The following ACTN4 variants were observed in gnomAD, a reference collection of about 807,000 sequenced individuals.
ACTN4 encodes alpha-actinin-4.
A neutral mutation model predicts 114.2 loss-of-function variants in ACTN4; 18 were observed. The observed-to-expected ratio is 0.16, with a 90% confidence interval of 0.11 to 0.23. The LOEUF (loss-of-function observed/expected upper bound fraction) is 0.23, where lower values mean the gene tolerates loss of function less well. ACTN4 is among the 10% of genes least tolerant of loss of function. ACTN4 has a pLI of 1.00. For missense variants in ACTN4, 722 were observed against 1,262.9 expected (o/e 0.57, Z 6.49); for synonymous variants, 515 against 506.3 (o/e 1.02, Z -0.23).
At position 38,668,826 on chromosome 19, in the gene ACTN4, T is replaced by C. The variant is rs1967044882; in HGVS notation, c.162+20919T>C. On this transcript the variant is annotated intron_variant, in intron 1 of 20. Coordinates refer to ENST00000252699, the MANE Select transcript of ACTN4 (RefSeq NM_004924.6). ...CTGAAGTAAACCCATTGACTTCGCC[T>C]TCATGGGTTTGAAAAGGGTTTTTCC... Among the ~76,000 whole-genome samples, 7 of 152,342 alleles carry C rather than the reference T, an allele frequency of 4.6e-5. No homozygotes were observed. The South Asian group carries it at 1.5e-3, about 32-fold the overall frequency.
intron 1 of ACTN4, among the ~76,000 whole-genome samples, chr19:38,692,305 G>T (rs1236037723): frequency 1.3e-5 from 2 of 152,250 alleles, no homozygotes; most frequent in East Asian, 1.9e-4. Flanking sequence ...CTGAACTGCC[G>T]CAGTGCTAGC....
intron 5 of ACTN4, 149 bp from the exon 6 acceptor site, chr19:38,707,968 C>T (rs1968515637): frequency 2.5e-6 from 2 of 815,418 alleles, no homozygotes; most frequent in Non-Finnish European, 4.2e-6. Context: ...ATGCTTGCAG[C>T]CTCTCTGCCA....
chr19:38,661,798 G>GC (rs1363511200), intron 1 of ACTN4, among the ~76,000 whole-genome samples: 1 of 152,088 alleles, frequency 6.6e-6, no homozygotes, highest in Non-Finnish European at 1.5e-5. Flanking sequence ...GACTACAGGC[G>GC]CCCGCCACCA....
chr19:38,661,351 C>T (rs1976880725), intron 1 of ACTN4, among the ~76,000 whole-genome samples: 2 of 152,194 alleles, frequency 1.3e-5, no homozygotes, highest in South Asian at 2.1e-4. Context: ...GTGATGATTT[C>T]GGCAGTCGGC....
chr19:38,731,118 G>T lies in ACTN4; in HGVS notation c.*1686G>T. ...GGGGTGGTACTCACAGAAGATGCAG[G>T]TGAGGTGGGCCACACAGGACACGAA... On this transcript the variant is annotated 3_prime_UTR_variant, in exon 21 of 21. Transcript: ENST00000252699. 1 of 1,612,068 alleles carries T rather than the reference G, an allele frequency of 6.2e-7. No homozygotes were observed.
intron 1 of ACTN4, among the ~76,000 whole-genome samples, chr19:38,696,400 G>C (rs769246463): frequency 6.6e-5 from 10 of 152,102 alleles, no homozygotes; most frequent in Non-Finnish European, 1.3e-4. Flanking sequence ...AGGGCGGCGT[G>C]GTGGGCGCAT....
At chr19:38,712,174 G>T (rs1968678011) in intron 8 of ACTN4, among the ~76,000 whole-genome samples, 1 of 152,182 alleles carries the variant, frequency 6.6e-6, no homozygotes, top group Non-Finnish European at 1.5e-5. Flanking sequence ...CCCCAGGAGG[G>T]CTAGGCGCAG....
At position 38,673,474 on chromosome 19, in the gene ACTN4, T is replaced by TGAATATATA. The variant is rs1491529819; in HGVS notation, c.162+25567_162+25568insGAATATATA. Among the ~76,000 whole-genome samples the TGAATATATA allele has an allele frequency of 2.2e-3, 163 of 75,358 alleles. 2 individuals carry two copies. Among genetic ancestry groups the TGAATATATA allele is most frequent in the Non-Finnish European group, 3.6e-3 (124 of 34,616 alleles). 49.4% of individuals were successfully genotyped at this position (75,358 alleles called of 152,430 possible). On this transcript the variant is annotated intron_variant, in intron 1 of 20. Transcript: ENST00000252699. ...ATATATTCATATATATTTATATATATTTATATATATATTCATATATATTTA... is the reference window on the plus strand; with the variant it reads ...ATATATTCATATATATTTATATATATGAATATATATTATATATATATTCATATATATTTA...
chr19:38,701,099 G>A lies in ACTN4; in HGVS notation c.375G>A (p.Lys125=), dbSNP rs1481975807. 3.4e-5 allele frequency: 55 copies of A among 1,613,980 alleles called. No individual in the cohort carries two copies. The highest frequency in any genetic ancestry group is 4.7e-5 in the Non-Finnish European group (55 of 1,180,050). Residue 125 remains lysine, a synonymous_variant, in exon 3 of 21, where the codon AAG becomes AAA. Transcript: ENST00000252699. ...ALDFIASKGV[K]LVSIGAEEIV... Reference sequence around the variant, plus strand: ...ACTTTATTGCCAGCAAAGGCGTCAAGCTGGTCTCCATCGGGGCAGAAGGTG... The same window carrying A: ...ACTTTATTGCCAGCAAAGGCGTCAAACTGGTCTCCATCGGGGCAGAAGGTG...
intron 1 of ACTN4, among the ~76,000 whole-genome samples, chr19:38,654,314 C>G (rs904659443): frequency 2.0e-5 from 3 of 152,152 alleles, no homozygotes; most frequent in African/African-American, 7.2e-5. Flanking sequence ...GTAATCCCAG[C>G]ACTTTGGGAG....
rs148591083 is a variant in ACTN4 at position 38,704,950 on chromosome 19, C to T, written c.414C>T (p.Asn138=). Reference sequence around the variant, plus strand: ...TGTGTGCAGAGATTGTGGACGGCAACGCAAAGATGACCCTGGGAATGATCT... The same window carrying T: ...TGTGTGCAGAGATTGTGGACGGCAATGCAAAGATGACCCTGGGAATGATCT... ...SIGAEEIVDG[N]AKMTLGMIWT... The change falls in exon 4 of 21, where the codon AAC becomes AAT. Residue 138 remains asparagine, a synonymous_variant. Coordinates refer to ENST00000252699, the MANE Select transcript of ACTN4 (RefSeq NM_004924.6). The T allele has an allele frequency of 9.4e-5, 152 of 1,614,180 alleles. No homozygotes were observed. The highest frequency in any genetic ancestry group is 6.5e-4 in the East Asian group (29 of 44,892).
At chr19:38,687,994 A>AATT (rs1453544685) in intron 1 of ACTN4, among the ~76,000 whole-genome samples, 1 of 137,638 alleles carries the variant, frequency 7.3e-6, no homozygotes, top group Non-Finnish European at 1.7e-5. Context: ...ATGGTCAATA[A>AATT]GCACATGAAA....
chr19:38,716,936 A>T (rs879283421), intron 9 of ACTN4, 150 bp from the exon 10 acceptor site: 14 of 851,032 alleles, frequency 1.6e-5, no homozygotes, highest in Non-Finnish European at 2.5e-5. Flanking sequence ...TCTAGCAGGA[A>T]TCGTGGAGAA....
Position 38,731,311 on chromosome 19 carries a change from G to A in ACTN4, c.*1879G>A. The A allele has an allele frequency of 1.0e-6, 1 of 984,738 alleles. No individual in the cohort carries two copies. The highest frequency in any genetic ancestry group is 1.6e-6 in the Non-Finnish European group (1 of 623,420). The allele number at this position is 984,738 out of a possible 1,614,324, so 61.0% of individuals were successfully genotyped here. On this transcript the variant is annotated 3_prime_UTR_variant, in exon 21 of 21. Coordinates refer to ENST00000252699, the MANE Select transcript of ACTN4 (RefSeq NM_004924.6). ...CACCCCACCTCCTCAGGGAGGACAT[G>A]AATGCCACAGGGTGTCACACCCCAA... is the stretch of plus-strand genomic sequence containing the variant.
intron 1 of ACTN4, among the ~76,000 whole-genome samples, chr19:38,672,302 G>T (rs1432239028): frequency 2.0e-5 from 3 of 147,978 alleles, no homozygotes; most frequent in Non-Finnish European, 4.5e-5. Context: ...GTACAGTGGC[G>T]TGATATCGGC....
intron 1 of ACTN4, among the ~76,000 whole-genome samples, chr19:38,655,014 C>G (rs764589925): frequency 2.0e-5 from 3 of 152,188 alleles, no homozygotes; most frequent in Admixed American, 6.6e-5. Context: ...TCCCCCTCCC[C>G]CAGGAGTGAG....
intron 1 of ACTN4, among the ~76,000 whole-genome samples, chr19:38,680,458 A>G (rs1467642239): frequency 2.0e-5 from 3 of 152,026 alleles, no homozygotes; most frequent in Non-Finnish European, 4.4e-5. Flanking sequence ...GGGATTACAG[A>G]CAGGCATGAG....
At chr19:38,709,541 C>A in intron 7 of ACTN4, 65 bp downstream of exon 7, 1 of 1,463,096 alleles carries the variant, frequency 6.8e-7, no homozygotes, top group Non-Finnish European at 9.6e-7. Flanking sequence ...CCAGGGCTGG[C>A]CTCGGGCAAG....
At position 38,647,659 on chromosome 19, in the gene ACTN4, A is replaced by G; in HGVS notation, c.-87A>G. On this transcript the variant is annotated 5_prime_UTR_variant, in exon 1 of 21. Coordinates refer to ENST00000252699, the MANE Select transcript of ACTN4 (RefSeq NM_004924.6). ...GGCGGAGGGCGGGCTGAAGCAGCTG[A>G]AGCGGCGGTAGCGGCGGCGGCTCGG... is the stretch of plus-strand genomic sequence containing the variant. 3 of 1,466,848 alleles carry G rather than the reference A, an allele frequency of 2.0e-6. No homozygotes were observed. The highest frequency in any genetic ancestry group is 2.7e-6 in the Non-Finnish European group (3 of 1,106,636). 90.9% of individuals were successfully genotyped at this position (1,466,848 alleles called of 1,614,324 possible). A position where few individuals can be genotyped will look rare whatever the true frequency, so the allele number is the denominator to read the frequency against.
Sources: allele counts gnomAD v4.1 joint callset (sites outside exome capture counted in the v4.1 genomes callset), GRCh38; gene constraint gnomAD v4.1.1; transcripts MANE v1.5; gene names NCBI Gene and HGNC (gene_info 2026-07-23, HGNC 2026-07-21).